TCEANC2: variants seen among roughly 807,000 people sequenced by gnomAD.
TCEANC2 encodes transcription elongation factor A N-terminal and central domain-containing protein 2.
In TCEANC2, 20 loss-of-function variants were observed where a neutral mutation model predicts 22.8. The ratio of observed to expected loss-of-function variants is 0.88; its 90% CI spans 0.62 to 1.28. TCEANC2 has a LOEUF of 1.28. Among genes scored for constraint, TCEANC2 ranks in the 50% most tolerant of loss-of-function variants. TCEANC2 has a pLI of 0.00. For missense variants in TCEANC2, 251 were observed against 249.7 expected (o/e 1.01, Z -0.03); for synonymous variants, 84 against 95.5 (o/e 0.88, Z 0.70).
At chr1:54,067,800 T>G (rs1453341467) in intron 2 of TCEANC2, among the ~76,000 whole-genome samples, 1 of 152,144 alleles carries the variant, frequency 6.6e-6, no homozygotes, top group African/African-American at 2.4e-5. Context: ...TAAGTATATA[T>G]GAGGAATTTT....
In TCEANC2 at chr1:54,054,432, T is replaced by C; in HGVS notation, c.10T>C (p.Phe4Leu). ...TCGGAGTCCCCTAACAATGGATAAATTCGTCATTCGAACGCCTAGAATCCA... is the reference window on the plus strand; with the variant it reads ...TCGGAGTCCCCTAACAATGGATAAACTCGTCATTCGAACGCCTAGAATCCA... MDK[F>L]VIRTPRIQNS... is the part of the protein sequence containing the mutation. Residue 4 changes from phenylalanine (F) to leucine (L), a missense_variant, in exon 2 of 5, where the codon TTC becomes CTC. Transcript: ENST00000234827. 1 of 1,614,068 alleles carries C rather than the reference T, an allele frequency of 6.2e-7. No homozygotes were observed. Among genetic ancestry groups the C allele is most frequent in the South Asian group, 1.1e-5 (1 of 91,054 alleles).
chr1:54,071,763 G>T (rs1658059093), intron 3 of TCEANC2, among the ~76,000 whole-genome samples: 1 of 151,842 alleles, frequency 6.6e-6, no homozygotes, highest in South Asian at 2.1e-4. Flanking sequence ...ATACTTCCTG[G>T]ACCTGCAAAT....
intron 3 of TCEANC2, among the ~76,000 whole-genome samples, chr1:54,072,186 G>A (rs1570003499): frequency 6.6e-6 from 1 of 152,170 alleles, no homozygotes; most frequent in African/African-American, 2.4e-5. Context: ...ATAATTAGAA[G>A]CATATTAGGT....
At chr1:54,055,010 C>G (rs1394494366) in intron 2 of TCEANC2, among the ~76,000 whole-genome samples, 3 of 152,174 alleles carry the variant, frequency 2.0e-5, no homozygotes, top group Non-Finnish European at 4.4e-5. Flanking sequence ...CAGGGTCTCA[C>G]TCTGTCACCC....
At chr1:54,091,526 G>A (rs1289878120) in intron 4 of TCEANC2, among the ~76,000 whole-genome samples, 1 of 152,124 alleles carries the variant, frequency 6.6e-6, no homozygotes, top group African/African-American at 2.4e-5. Flanking sequence ...GAAAAAAAAT[G>A]TTTCCATGTT....
At chr1:54,107,289 T>C (rs1377950760), downstream of TCEANC2, among the ~76,000 whole-genome samples, 1 of 152,104 alleles carries the variant, frequency 6.6e-6, no homozygotes, top group Non-Finnish European at 1.5e-5. Context: ...GAATTCAGGG[T>C]TTTGGGGAAG....
At position 54,096,301 on chromosome 1, in the gene TCEANC2, T is replaced by G. The variant is rs1474494686; in HGVS notation, c.455T>G (p.Val152Gly). 1.3e-6 allele frequency: 2 copies of G among 1,596,634 alleles called. No individual in the cohort carries two copies. The highest frequency in any genetic ancestry group is 1.7e-6 in the Non-Finnish European group (2 of 1,165,376). ...ALELKMDHLL[V>G]ENIERETFHL... ...GTTTTTTAGATGGATCACCTACTGGTTGAAAATATTGAACGGGAAACGTTT... is the reference window on the plus strand; with the variant it reads ...GTTTTTTAGATGGATCACCTACTGGGTGAAAATATTGAACGGGAAACGTTT... The change falls in exon 5 of 5, where the codon GTT becomes GGT. Residue 152 changes from valine to glycine, a missense_variant. Val to Gly is a moderately radical substitution (Grantham distance 109). Transcript: ENST00000234827. The surrounding 1 kb of genome is among the most constrained non-coding windows in gnomAD (Gnocchi z 4.9).
At chr1:54,067,642 G>C (rs1657982788) in intron 2 of TCEANC2, among the ~76,000 whole-genome samples, 1 of 152,180 alleles carries the variant, frequency 6.6e-6, no homozygotes, top group African/African-American at 2.4e-5. Flanking sequence ...AGCAAAGTTG[G>C]AGTGAGAGGG....
intron 2 of TCEANC2, among the ~76,000 whole-genome samples, chr1:54,055,750 G>C (rs780220233): frequency 3.4e-4 from 51 of 152,208 alleles, no homozygotes; most frequent in Non-Finnish European, 6.2e-4. Flanking sequence ...CACAGGCTTA[G>C]GAGACCCATA....
intron 2 of TCEANC2, among the ~76,000 whole-genome samples, chr1:54,055,358 ACAT>A (rs1164778875): frequency 2.0e-5 from 3 of 152,272 alleles, no homozygotes; most frequent in Non-Finnish European, 4.4e-5. Flanking sequence ...GTATCAATCA[ACAT>A]AGTTACCCAA....
chr1:54,075,044 C>G (rs141369873), intron 3 of TCEANC2, among the ~76,000 whole-genome samples: 1 of 152,134 alleles, frequency 6.6e-6, no homozygotes, highest in African/African-American at 2.4e-5. Context: ...GATTGATTAC[C>G]AAGATGAGGA....
At chr1:54,079,071 T>C (rs1658195358) in intron 3 of TCEANC2, among the ~76,000 whole-genome samples, 1 of 152,176 alleles carries the variant, frequency 6.6e-6, no homozygotes, top group South Asian at 2.1e-4. Context: ...GCAGTGGAGT[T>C]AGGCCTTGTA....
intron 2 of TCEANC2, among the ~76,000 whole-genome samples, chr1:54,061,329 GATT>G (rs921370059): frequency 6.6e-6 from 1 of 152,152 alleles, no homozygotes; most frequent in Admixed American, 6.5e-5. Flanking sequence ...CCATCTGCAT[GATT>G]ATTATGAGAG....
At chr1:54,094,243 T>C (rs1423081648) in intron 4 of TCEANC2, among the ~76,000 whole-genome samples, 3 of 152,244 alleles carry the variant, frequency 2.0e-5, no homozygotes, top group Admixed American at 1.3e-4. Flanking sequence ...TGTTCTGCTC[T>C]TTGCTTGGTC....
chr1:54,083,010 C>A (rs143934708), intron 3 of TCEANC2, among the ~76,000 whole-genome samples: 1 of 151,668 alleles, frequency 6.6e-6, no homozygotes, highest in African/African-American at 2.4e-5. Context: ...GGAGAACAGG[C>A]GAGGAGGAAG....
chr1:54,094,094 G>A (rs1002243902), intron 4 of TCEANC2, among the ~76,000 whole-genome samples: 3 of 152,166 alleles, frequency 2.0e-5, no homozygotes, highest in African/African-American at 7.2e-5. Context: ...ACTCACTCCA[G>A]CACAAGCCTT....
chr1:54,087,606 A>G (rs1353992450), intron 3 of TCEANC2, among the ~76,000 whole-genome samples: 5 of 152,178 alleles, frequency 3.3e-5, no homozygotes, highest in Non-Finnish European at 7.3e-5. Flanking sequence ...TCTAGTGCAT[A>G]TTCATATTCC....
At chr1:54,061,560 A>G (rs1294941975) in intron 2 of TCEANC2, among the ~76,000 whole-genome samples, 3 of 152,206 alleles carry the variant, frequency 2.0e-5, no homozygotes, top group African/African-American at 7.2e-5. Context: ...CTTTACATAT[A>G]TTAACTCTTT....
chr1:54,095,412 G>C (rs1270783958), intron 4 of TCEANC2, among the ~76,000 whole-genome samples: 1 of 152,178 alleles, frequency 6.6e-6, no homozygotes, highest in Non-Finnish European at 1.5e-5. Flanking sequence ...GGTCAGGATT[G>C]GGGAGGGGAA....
Sources: gnomAD v4.1 joint callset for allele counts (sites outside exome capture counted in the v4.1 genomes callset) on GRCh38, gnomAD v4.1.1 for gene constraint, Gnocchi (gnomAD v3.1) non-coding constraint, MANE v1.5 for transcripts, NCBI Gene and HGNC (gene_info 2026-07-23, HGNC 2026-07-21) for gene names.